PLXNA4: variants seen among roughly 807,000 people sequenced by gnomAD.
PLXNA4 encodes the protein plexin A4.
PLXNA4 carries 44 observed loss-of-function variants against 191.8 expected under a neutral mutation model. The observed-to-expected ratio is 0.23, with a 90% CI of 0.18 to 0.29. The LOEUF is 0.29. Among genes scored for constraint, PLXNA4 ranks in the 10% least tolerant of loss-of-function variants. The pLI, the probability that PLXNA4 is intolerant of heterozygous loss-of-function variation, is 1.00. For missense variants in PLXNA4, 1,800 were observed against 2,488.8 expected (o/e 0.72, Z 5.89); for synonymous variants, 1,082 against 1,009.5 (o/e 1.07, Z -1.36).
At chr7:132,647,822 TC>T (rs1803909508) in intron 1 of PLXNA4, among the ~76,000 whole-genome samples, 2 of 149,022 alleles carry the variant, frequency 1.3e-5, no homozygotes, top group Non-Finnish European at 3.0e-5. Context: ...ACACATACAC[TC>T]AAAATATACA....
chr7:132,459,727 G>T (rs1796433008), intron 3 of PLXNA4, among the ~76,000 whole-genome samples: 1 of 152,176 alleles, frequency 6.6e-6, no homozygotes, highest in African/African-American at 2.4e-5. Flanking sequence ...TGGGGGCAGC[G>T]AGCCTGATCT....
In PLXNA4 at chr7:132,563,321, C is replaced by T. The variant is rs1463007008; in HGVS notation, c.-87+13101G>A. The stretch of plus-strand genomic sequence containing the variant: ...TCTCTTCCTCCTCCTTCTCTTCCTC[C>T]TTCTCCTCCTCCTCCTTCTCCTCCT... On this transcript the variant is annotated intron_variant, in intron 1 of 31. Transcript: ENST00000321063. Among the ~76,000 whole-genome samples, 121 of 110,828 alleles carry T rather than the reference C, an allele frequency of 1.1e-3. 1 individual carries two copies. Among genetic ancestry groups the T allele is most frequent in the Non-Finnish European group, 1.5e-3 (79 of 54,080 alleles). The allele number at this position is 110,828 out of a possible 152,430, so 72.7% of individuals were successfully genotyped here.
chr7:132,437,706 G>C (rs1172206017), intron 3 of PLXNA4, among the ~76,000 whole-genome samples: 1 of 152,084 alleles, frequency 6.6e-6, no homozygotes, highest in East Asian at 1.9e-4. Flanking sequence ...TCCCACCCCA[G>C]GTTGGCCCCA....
chr7:132,439,698 G>A (rs565136845), intron 3 of PLXNA4, among the ~76,000 whole-genome samples: 1 of 152,256 alleles, frequency 6.6e-6, no homozygotes, highest in Admixed American at 6.5e-5. Flanking sequence ...AGCAAGACCT[G>A]AACTCAGAGG....
chr7:132,638,136 C>T (rs1803645673), intron 2 of PLXNA4, among the ~76,000 whole-genome samples: 1 of 152,168 alleles, frequency 6.6e-6, no homozygotes, highest in African/African-American at 2.4e-5. Flanking sequence ...CCACTCCTAG[C>T]GCACAGCCTC....
At chr7:132,450,049 G>A (rs953199400) in intron 3 of PLXNA4, among the ~76,000 whole-genome samples, 3 of 152,034 alleles carry the variant, frequency 2.0e-5, no homozygotes, top group African/African-American at 2.4e-5. Context: ...TTCATTTCTC[G>A]AGTCCCCTCT....
chr7:132,142,113 A>C (rs1795288240), intron 29 of PLXNA4, among the ~76,000 whole-genome samples: 1 of 152,196 alleles, frequency 6.6e-6, no homozygotes, highest in Admixed American at 6.5e-5. Context: ...AACAAAGACA[A>C]AGAGGGAAAA....
At chr7:132,179,578 C>G (rs1218463754) in intron 20 of PLXNA4, 109 bp downstream of exon 20, 1 of 1,473,364 alleles carries the variant, frequency 6.8e-7, no homozygotes, top group African/African-American at 1.4e-5. Flanking sequence ...TGCTGCCCAG[C>G]CTGCTTGTTT....
chr7:132,383,889 C>T (rs1216657522), intron 3 of PLXNA4: 11 of 985,428 alleles, frequency 1.1e-5, no homozygotes, highest in South Asian at 4.7e-5. Flanking sequence ...TCAATGCACA[C>T]AGAGCCAGTT....
chr7:132,333,093 G>C (rs531310490), intron 3 of PLXNA4, among the ~76,000 whole-genome samples: 1 of 152,266 alleles, frequency 6.6e-6, no homozygotes, highest in South Asian at 2.1e-4. Flanking sequence ...AAAGTCACTG[G>C]GTGAGATGCA....
intron 5 of PLXNA4, among the ~76,000 whole-genome samples, chr7:132,231,626 T>C (rs181614605): frequency 2.6e-5 from 4 of 152,278 alleles, no homozygotes; most frequent in Non-Finnish European, 4.4e-5. Flanking sequence ...GGTTTCACCA[T>C]GTTGCCCAGG....
At chr7:132,209,508 T>C (rs577461141) in intron 10 of PLXNA4, among the ~76,000 whole-genome samples, 18 of 152,092 alleles carry the variant, frequency 1.2e-4, no homozygotes, top group Middle Eastern at 3.4e-3. Flanking sequence ...TAATCTGGAG[T>C]GCTGCAGAAA....
chr7:132,156,547 CA>C (rs1795804140), intron 25 of PLXNA4, among the ~76,000 whole-genome samples: 1 of 152,198 alleles, frequency 6.6e-6, no homozygotes, highest in South Asian at 2.1e-4. Flanking sequence ...AGAGGGAAGG[CA>C]GCCTTTGCTG....
intron 12 of PLXNA4, 48 bp downstream of exon 12, chr7:132,202,598 C>T (rs1797475574): frequency 2.1e-6 from 3 of 1,421,906 alleles, no homozygotes; most frequent in Non-Finnish European, 2.8e-6. Flanking sequence ...TGTGGCACAG[C>T]AGCCTGGAGC....
intron 3 of PLXNA4, among the ~76,000 whole-genome samples, chr7:132,415,005 C>T (rs372023545): frequency 3.3e-5 from 5 of 152,334 alleles, no homozygotes; most frequent in African/African-American, 7.2e-5. Context: ...ACCCTTTCCC[C>T]GACCTCTACC....
At chr7:132,206,413 C>T (rs1044620877) in intron 10 of PLXNA4, among the ~76,000 whole-genome samples, 1 of 147,876 alleles carries the variant, frequency 6.8e-6, no homozygotes, top group Admixed American at 6.8e-5. Flanking sequence ...GGGATGTATA[C>T]ATATGAGAAC....
intron 2 of PLXNA4, among the ~76,000 whole-genome samples, chr7:132,617,748 A>G (rs769851895): frequency 5.9e-5 from 9 of 152,184 alleles, no homozygotes; most frequent in Non-Finnish European, 2.9e-5. Context: ...AGAAGAGGAG[A>G]TTAGAAATTC....
intron 3 of PLXNA4, among the ~76,000 whole-genome samples, chr7:132,380,223 T>C (rs1804835108): frequency 6.6e-6 from 1 of 152,214 alleles, no homozygotes; most frequent in Non-Finnish European, 1.5e-5. Flanking sequence ...TTGTTATCCA[T>C]TGCTCAACTC....
chr7:132,561,447 GTCC>G (rs1383607721), intron 1 of PLXNA4, among the ~76,000 whole-genome samples: 2 of 65,246 alleles, frequency 3.1e-5, no homozygotes, highest in African/African-American at 6.2e-5. Context: ...CCTCCTTCTT[GTCC>G]TCCTCCTTCT....
Sources: gnomAD v4.1 joint callset for allele counts (sites outside exome capture counted in the v4.1 genomes callset) on GRCh38, gnomAD v4.1.1 for gene constraint, MANE v1.5 for transcripts, NCBI Gene and HGNC (gene_info 2026-07-23, HGNC 2026-07-21) for gene names.